Variants in SLIT3 observed in about 807,000 individuals in gnomAD.
SLIT3 encodes the protein slit guidance ligand 3.
In SLIT3, 68 loss-of-function variants were observed where a neutral mutation model predicts 184.0. That is an observed-to-expected ratio of 0.37 (90% CI 0.30 to 0.45). The LOEUF (loss-of-function observed/expected upper bound fraction) is 0.45, where lower values mean the gene tolerates loss of function less well. Ranked by LOEUF, SLIT3 falls within the 20% of genes least tolerant of loss-of-function variation. The probability of loss-of-function intolerance (pLI) is 1.00; values close to 1 mark genes in which losing one functional copy is unlikely to be tolerated. For missense variants in SLIT3, 1,707 were observed against 2,026.0 expected (o/e 0.84, Z 3.02); for synonymous variants, 831 against 828.6 (o/e 1.00, Z -0.05).
chr5:168,869,891 A>T (rs1759447798), intron 5 of SLIT3, among the ~76,000 whole-genome samples: 1 of 152,240 alleles, frequency 6.6e-6, no homozygotes, highest in Non-Finnish European at 1.5e-5. Context: ...CTGCGTACAG[A>T]GAGAACTTTA....
intron 4 of SLIT3, among the ~76,000 whole-genome samples, chr5:168,969,126 C>A (rs923398156): frequency 1.3e-5 from 2 of 152,104 alleles, no homozygotes; most frequent in Non-Finnish European, 2.9e-5. Flanking sequence ...CTCATCTTAA[C>A]CAGCAGAGAG....
At chr5:169,005,870 A>C (rs1376775190) in intron 4 of SLIT3, among the ~76,000 whole-genome samples, 3 of 152,250 alleles carry the variant, frequency 2.0e-5, no homozygotes, top group African/African-American at 7.2e-5. Flanking sequence ...GTTATTGCTC[A>C]AGGTTGGTGT....
chr5:169,281,651 T>C (rs183076999), intron 1 of SLIT3, among the ~76,000 whole-genome samples: 1 of 152,334 alleles, frequency 6.6e-6, no homozygotes, highest in East Asian at 1.9e-4. Context: ...ATAGCATTAG[T>C]CGTTATTACT....
At chr5:168,897,526 G>A (rs867591248) in intron 4 of SLIT3, among the ~76,000 whole-genome samples, 13 of 151,900 alleles carry the variant, frequency 8.6e-5, no homozygotes, top group South Asian at 4.1e-4. Context: ...AATAAAAGTC[G>A]GAGACTGAAA....
At chr5:168,722,877 A>T in intron 22 of SLIT3, 56 bp downstream of exon 22, 1 of 1,333,014 alleles carries the variant, frequency 7.5e-7, no homozygotes, top group Non-Finnish European at 1.1e-6. Context: ...GGGAAAGAGT[A>T]ACCATCTACT....
chr5:168,781,450 G>T (rs1755966113), intron 12 of SLIT3, among the ~76,000 whole-genome samples: 1 of 152,092 alleles, frequency 6.6e-6, no homozygotes, highest in Non-Finnish European at 1.5e-5. Context: ...CTACCCAATG[G>T]CTTTCCAGGT....
rs372648075 is a variant in SLIT3 at position 168,879,793 on chromosome 5, C to T, written c.485+3472G>A. ...ACTTCACACCCAATGTGATTACAAC[C>T]CAACTCAGGATCTTCCAAGCCTGGC... is the stretch of plus-strand genomic sequence containing the variant. On this transcript the variant is annotated intron_variant, in intron 5 of 35. Coordinates refer to ENST00000519560, the MANE Select transcript of SLIT3 (RefSeq NM_003062.4). Among the ~76,000 whole-genome samples the T allele has an allele frequency of 2.6e-5, 4 of 152,176 alleles. No individual in the cohort carries two copies. The East Asian group carries it at 5.8e-4, about 22-fold the overall frequency.
intron 4 of SLIT3, among the ~76,000 whole-genome samples, chr5:169,074,463 C>T (rs895095109): frequency 1.3e-5 from 2 of 152,094 alleles, no homozygotes; most frequent in Admixed American, 6.5e-5. Flanking sequence ...TGGAGTGTTT[C>T]TACCTTCTAT....
chr5:168,949,684 C>T (rs1343604618), intron 4 of SLIT3, among the ~76,000 whole-genome samples: 1 of 152,146 alleles, frequency 6.6e-6, no homozygotes, highest in East Asian at 1.9e-4. Flanking sequence ...ACTGCAGCCT[C>T]AACTTCCTGG....
At chr5:169,253,052 T>G (rs1367236649) in intron 1 of SLIT3, among the ~76,000 whole-genome samples, 1 of 151,850 alleles carries the variant, frequency 6.6e-6, no homozygotes, top group East Asian at 1.9e-4. Flanking sequence ...GTATTTAGAC[T>G]TCTCTGGCTA....
intron 4 of SLIT3, among the ~76,000 whole-genome samples, chr5:169,027,721 G>A (rs756009175): frequency 1.3e-5 from 2 of 152,234 alleles, no homozygotes; most frequent in South Asian, 2.1e-4. Context: ...TGGCCGCAGC[G>A]GTTCTGCTTT....
At chr5:169,271,303 A>G (rs1268361707) in intron 1 of SLIT3, among the ~76,000 whole-genome samples, 2 of 152,154 alleles carry the variant, frequency 1.3e-5, no homozygotes, top group African/African-American at 2.4e-5. Context: ...CACAATCCCC[A>G]TGCCTGCCTT....
At position 168,798,223 on chromosome 5, in the gene SLIT3, C is replaced by CTTTTTTTTTT. The variant is rs747746239; in HGVS notation, c.936-2655_936-2646dup. Among the ~76,000 whole-genome samples the CTTTTTTTTTT allele has an allele frequency of 4.6e-5, 5 of 109,058 alleles. 1 individual carries two copies. Among genetic ancestry groups the CTTTTTTTTTT allele is most frequent in the African/African-American group, 2.3e-4 (5 of 21,982 alleles). The allele number at this position is 109,058 out of a possible 152,430, so 71.5% of individuals were successfully genotyped here. A position where few individuals can be genotyped will look rare whatever the true frequency, so the allele number is the denominator to read the frequency against. On this transcript the variant is annotated intron_variant, in intron 9 of 35. Transcript: ENST00000519560. The stretch of plus-strand genomic sequence containing the variant: ...TTGGTTTTCTTTTCTTCTTCTTCTT[C>CTTTTTTTTTT]TTTTTTTTTTTTTTTTAAGAGACAG...
intron 10 of SLIT3, among the ~76,000 whole-genome samples, chr5:168,794,395 C>T (rs750429740): frequency 2.0e-5 from 3 of 152,146 alleles, no homozygotes; most frequent in Non-Finnish European, 4.4e-5. Flanking sequence ...TCCTACTGTC[C>T]TCCCTGCAGA....
At chr5:168,980,209 C>A (rs772879894) in intron 4 of SLIT3, among the ~76,000 whole-genome samples, 1 of 152,068 alleles carries the variant, frequency 6.6e-6, no homozygotes, top group Non-Finnish European at 1.5e-5. Flanking sequence ...CTTTGAAATT[C>A]CAGCCCCCAC....
At chr5:169,171,649 A>G (rs1762824285) in intron 4 of SLIT3, among the ~76,000 whole-genome samples, 1 of 152,248 alleles carries the variant, frequency 6.6e-6, no homozygotes, top group South Asian at 2.1e-4. Flanking sequence ...GGCAGAGCAA[A>G]CAAGGTCCCT....
At chr5:169,257,375 A>G (rs1561770696) in intron 1 of SLIT3, among the ~76,000 whole-genome samples, 2 of 55,916 alleles carry the variant, frequency 3.6e-5, no homozygotes, top group Non-Finnish European at 7.5e-5. Flanking sequence ...CCCCACCCCA[A>G]CCTCCCCGCC....
chr5:168,692,804 C>T (rs1761947937), intron 28 of SLIT3, 104 bp from the exon 29 acceptor site: 9 of 758,594 alleles, frequency 1.2e-5, no homozygotes, highest in Non-Finnish European at 1.8e-5. Context: ...AGATCAGACT[C>T]ATCCAGCCCC....
At chr5:168,865,811 A>G (rs570334328) in intron 5 of SLIT3, among the ~76,000 whole-genome samples, 1 of 152,334 alleles carries the variant, frequency 6.6e-6, no homozygotes, top group African/African-American at 2.4e-5. Context: ...ATGCAAATAT[A>G]TACATATATA....
Sources: allele counts gnomAD v4.1 joint callset (sites outside exome capture counted in the v4.1 genomes callset), GRCh38; gene constraint gnomAD v4.1.1; transcripts MANE v1.5; gene names NCBI Gene and HGNC (gene_info 2026-07-23, HGNC 2026-07-21).